AGTPBP1: variants seen among roughly 807,000 people sequenced by gnomAD.
The protein encoded by AGTPBP1 is ATP/GTP binding carboxypeptidase 1.
AGTPBP1 carries 70 observed loss-of-function variants against 143.9 expected under a neutral mutation model. That is an observed-to-expected ratio of 0.49 (90% confidence interval 0.40 to 0.59). AGTPBP1 has a LOEUF of 0.59. Among genes scored for constraint, AGTPBP1 ranks in the 20% least tolerant of loss-of-function variants. The probability of loss-of-function intolerance (pLI) is 0.00; values close to 1 mark genes in which losing one functional copy is unlikely to be tolerated. For missense variants in AGTPBP1, 1,229 were observed against 1,464.5 expected, an observed-to-expected ratio of 0.84 and a Z score of 2.62; for synonymous variants, 463 against 500.2, an observed-to-expected ratio of 0.93 and a Z score of 0.99.
chr9:85,789,248 C>T, the AGTPBP1 span, among the ~76,000 whole-genome samples: 1 of 151,972 alleles, frequency 6.6e-6, no homozygotes, highest in Non-Finnish European at 1.5e-5. Context: ...TGGAAATCAA[C>T]CTCTGGTCAT....
chr9:85,746,065 A>ATC (rs1564208422), upstream of AGTPBP1, among the ~76,000 whole-genome samples: 1 of 152,066 alleles, frequency 6.6e-6, no homozygotes, highest in Non-Finnish European at 1.5e-5. Flanking sequence ...GATCAACAGG[A>ATC]AAGCCCATTT....
upstream of AGTPBP1, among the ~76,000 whole-genome samples, chr9:85,745,212 A>G (rs1176565838): frequency 1.3e-5 from 2 of 152,212 alleles, no homozygotes; most frequent in East Asian, 3.8e-4. Context: ...AATGCAACAC[A>G]CTGTATTACA....
intron 1 of AGTPBP1, among the ~76,000 whole-genome samples, chr9:85,736,139 A>G (rs984207777): frequency 6.6e-6 from 1 of 152,212 alleles, no homozygotes; most frequent in Non-Finnish European, 1.5e-5. Context: ...TTGAACATTT[A>G]TATAGAAATG....
chr9:85,590,110 A>G (rs1024381918), intron 19 of AGTPBP1, among the ~76,000 whole-genome samples: 7 of 152,186 alleles, frequency 4.6e-5, no homozygotes, highest in Non-Finnish European at 1.0e-4. Context: ...AATTTGAAAA[A>G]TAAAAATTAT....
intron 8 of AGTPBP1, among the ~76,000 whole-genome samples, chr9:85,667,710 T>A (rs1444013635): frequency 6.6e-6 from 1 of 152,128 alleles, no homozygotes; most frequent in Non-Finnish European, 1.5e-5. Flanking sequence ...ACTCATATGT[T>A]AAATAACTTC....
intron 1 of AGTPBP1, among the ~76,000 whole-genome samples, chr9:85,734,721 G>T (rs1048305223): frequency 3.9e-5 from 6 of 152,148 alleles, no homozygotes; most frequent in Non-Finnish European, 7.3e-5. Context: ...ATTAAAAATA[G>T]AATTACCATA....
chr9:85,665,759 C>G (rs1360593124), intron 8 of AGTPBP1, among the ~76,000 whole-genome samples: 2 of 151,974 alleles, frequency 1.3e-5, no homozygotes, highest in East Asian at 3.9e-4. Flanking sequence ...GGATATGAAC[C>G]CAGTTCTTTC....
intron 1 of AGTPBP1, among the ~76,000 whole-genome samples, chr9:85,721,843 G>T (rs1564183036): frequency 6.6e-6 from 1 of 152,148 alleles, no homozygotes; most frequent in Non-Finnish European, 1.5e-5. Context: ...GCTTCCTTCA[G>T]GAGCTCTTGT....
the AGTPBP1 span, chr9:85,774,058 T>C: frequency 3.4e-6 from 5 of 1,489,884 alleles, no homozygotes; most frequent in Non-Finnish European, 4.7e-6. Context: ...TTTTGACAGT[T>C]ATGTAAAGTT....
chr9:85,700,655 G>A lies in AGTPBP1; in HGVS notation c.33-7842C>T, dbSNP rs12344324. On this transcript the variant is annotated intron_variant, in intron 2 of 25. Transcript: ENST00000357081. ...AGATGTGAGCCACTTCGCAAGTTTT[G>A]CTTTTAAGAATAAGATGTGCATCCT... Among the ~76,000 whole-genome samples the A allele has an allele frequency of 5.1e-4, 77 of 152,280 alleles. 1 individual carries two copies. The highest frequency in any genetic ancestry group is 1.5e-3 in the African/African-American group (61 of 41,566).
At chr9:85,801,251 G>A in the AGTPBP1 span, among the ~76,000 whole-genome samples, 1 of 152,170 alleles carries the variant, frequency 6.6e-6, no homozygotes, top group South Asian at 2.1e-4. Flanking sequence ...GGCGGAAGTT[G>A]CAGTGAGCCG....
intron 11 of AGTPBP1, among the ~76,000 whole-genome samples, chr9:85,650,351 T>C (rs757153151): frequency 2.6e-5 from 4 of 152,022 alleles, no homozygotes; most frequent in Non-Finnish European, 4.4e-5. Flanking sequence ...CTCCTGCCCC[T>C]CCTCCTCCTC....
chr9:85,780,966 A>C, the AGTPBP1 span, among the ~76,000 whole-genome samples: 1 of 152,076 alleles, frequency 6.6e-6, no homozygotes, highest in Non-Finnish European at 1.5e-5. Context: ...AATACAAAAA[A>C]ATTAGCCGGG....
At chr9:85,675,436 T>C (rs1834765210) in intron 6 of AGTPBP1, among the ~76,000 whole-genome samples, 1 of 152,192 alleles carries the variant, frequency 6.6e-6, no homozygotes, top group South Asian at 2.1e-4. Flanking sequence ...TTTTGTCTTC[T>C]TAACTAAGAT....
chr9:85,753,757 AATAG>A, the AGTPBP1 span, among the ~76,000 whole-genome samples: 48,708 of 145,362 alleles, frequency 0.34, 8,057 homozygotes, highest in Non-Finnish European at 0.36. Context: ...CCTCTCAATA[AATAG>A]ATAGATAGAT....
chr9:85,596,621 A>G (rs1829317366), intron 17 of AGTPBP1, among the ~76,000 whole-genome samples, 172 bp from the exon 18 acceptor site: 1 of 152,194 alleles, frequency 6.6e-6, no homozygotes, highest in South Asian at 2.1e-4. Context: ...TCCCAAGTCA[A>G]TCAATGATAT....
At chr9:85,797,560 C>A in the AGTPBP1 span, among the ~76,000 whole-genome samples, 1 of 152,200 alleles carries the variant, frequency 6.6e-6, no homozygotes, top group African/African-American at 2.4e-5. Context: ...CTTCCATCCT[C>A]TAGTGTGCTC....
chr9:85,755,046 G>T, the AGTPBP1 span, among the ~76,000 whole-genome samples: 1 of 151,960 alleles, frequency 6.6e-6, no homozygotes, highest in African/African-American at 2.4e-5. Flanking sequence ...AATATTTTAG[G>T]CTCCAGTGTT....
intron 25 of AGTPBP1, among the ~76,000 whole-genome samples, chr9:85,566,157 C>T (rs1160248758): frequency 6.6e-6 from 1 of 152,140 alleles, no homozygotes; most frequent in Non-Finnish European, 1.5e-5. Context: ...CACTAAAGGG[C>T]ACAGATATAG....
Sources: allele counts gnomAD v4.1 joint callset (sites outside exome capture counted in the v4.1 genomes callset), GRCh38; gene constraint gnomAD v4.1.1; transcripts MANE v1.5; gene names NCBI Gene and HGNC (gene_info 2026-07-23, HGNC 2026-07-21).